The following KIF26B variants were observed in gnomAD, a reference collection of about 807,000 sequenced individuals.
KIF26B encodes the protein kinesin-like protein KIF26B.
A neutral mutation model predicts 151.2 loss-of-function variants in KIF26B; 63 were observed. The observed-to-expected ratio is 0.42, with a 90% CI of 0.34 to 0.51. The LOEUF is 0.51. KIF26B is among the 20% of genes least tolerant of loss of function. KIF26B has a pLI of 0.07. For synonymous variants in KIF26B, 1,357 were observed against 1,262.1 expected (o/e 1.08, Z -1.59); for missense variants, 2,813 against 2,913.6 (o/e 0.97, Z 0.79).
chr1:245,299,237 G>A (rs1227479470), intron 2 of KIF26B, among the ~76,000 whole-genome samples: 3 of 151,198 alleles, frequency 2.0e-5, no homozygotes, highest in Non-Finnish European at 4.4e-5. Flanking sequence ...GCTGCCCAGA[G>A]TCTAGTGCAG....
At chr1:245,226,443 G>C (rs191780075) in intron 2 of KIF26B, among the ~76,000 whole-genome samples, 2 of 151,940 alleles carry the variant, frequency 1.3e-5, no homozygotes, top group East Asian at 3.9e-4. Context: ...CTGTATTCTT[G>C]TGGAGGGTGC....
In KIF26B at chr1:245,533,780, A is replaced by C. The variant is rs142459337; in HGVS notation, c.1167-6987A>C. Among the ~76,000 whole-genome samples, 34 of 151,384 alleles carry C rather than the reference A, an allele frequency of 2.2e-4. 1 individual carries two copies. Among genetic ancestry groups the C allele is most frequent in the African/African-American group, 7.8e-4 (32 of 40,870 alleles). ...AGGGTAATAGTCTGACAAATAGTCT[A>C]TTATACAATTACAAAAAAAAAAAAG... is the stretch of plus-strand genomic sequence containing the variant. On this transcript the variant is annotated intron_variant, in intron 4 of 14. Transcript: ENST00000407071.
rs373882982 is a variant in KIF26B at position 245,611,900 on chromosome 1, C to T, written c.2022C>T (p.Asp674=). 324 of 1,613,820 alleles carry T rather than the reference C, an allele frequency of 2.0e-4. No homozygotes were observed. The highest frequency in any genetic ancestry group is 2.5e-4 in the Non-Finnish European group (293 of 1,179,874). ...GCCACCAACAGGACTGTGATGAGGA[C>T]GACCACCGCAACTCACACGTGTTCT... ...RRSHQQDCDE[D]DHRNSHVFFT... is the part of the protein sequence containing the mutation. Residue 674 remains aspartate, a synonymous_variant, in exon 9 of 15, where the codon GAC becomes GAT. Coordinates refer to ENST00000407071, the MANE Select transcript of KIF26B (RefSeq NM_018012.4).
chr1:245,180,951 T>G (rs1668895558), intron 2 of KIF26B, among the ~76,000 whole-genome samples: 1 of 152,142 alleles, frequency 6.6e-6, no homozygotes, highest in Non-Finnish European at 1.5e-5. Flanking sequence ...CTATTCTCTT[T>G]TGTGGGCAAG....
At chr1:245,695,807 T>A in intron 12 of KIF26B, among the ~76,000 whole-genome samples, 1 of 106,220 alleles carries the variant, frequency 9.4e-6, no homozygotes, top group Non-Finnish European at 2.4e-5. Context: ...GGCAGGACTC[T>A]CCAGGTGTTT....
At chr1:245,260,586 C>T (rs1158115927) in intron 2 of KIF26B, among the ~76,000 whole-genome samples, 1 of 152,226 alleles carries the variant, frequency 6.6e-6, no homozygotes, top group Non-Finnish European at 1.5e-5. Flanking sequence ...ACTTTGGAGG[C>T]ATGTGTACCG....
At chr1:245,286,501 C>A (rs1671165995) in intron 2 of KIF26B, among the ~76,000 whole-genome samples, 1 of 152,164 alleles carries the variant, frequency 6.6e-6, no homozygotes, top group African/African-American at 2.4e-5. Context: ...AAGATGGCAC[C>A]ACTGCACTCT....
chr1:245,316,814 T>C (rs1671785863), intron 2 of KIF26B, among the ~76,000 whole-genome samples: 1 of 119,032 alleles, frequency 8.4e-6, no homozygotes, highest in South Asian at 2.4e-4. Context: ...TGTGGGGCTT[T>C]TGACAAACCA....
chr1:245,499,396 T>C (rs1043783200), intron 4 of KIF26B, among the ~76,000 whole-genome samples: 1 of 152,084 alleles, frequency 6.6e-6, no homozygotes, highest in Non-Finnish European at 1.5e-5. Flanking sequence ...GGCTACATGG[T>C]GAGTCTAGGG....
chr1:245,421,334 C>T (rs1658482879), intron 4 of KIF26B, among the ~76,000 whole-genome samples: 1 of 152,150 alleles, frequency 6.6e-6, no homozygotes, highest in South Asian at 2.1e-4. Context: ...TCATGGATGC[C>T]CTCAGCTATC....
At chr1:245,477,277 AT>A (rs1156419126) in intron 4 of KIF26B, among the ~76,000 whole-genome samples, 1 of 151,688 alleles carries the variant, frequency 6.6e-6, no homozygotes, top group South Asian at 2.1e-4. Flanking sequence ...AAGACAGAAA[AT>A]TCATTTGTTT....
chr1:245,548,591 A>G (rs1239106688), intron 5 of KIF26B, among the ~76,000 whole-genome samples: 1 of 152,198 alleles, frequency 6.6e-6, no homozygotes, highest in African/African-American at 2.4e-5. Context: ...GCATGTAAGG[A>G]AACTGAGGGC....
At chr1:245,677,858 A>C (rs2044374809) in intron 10 of KIF26B, among the ~76,000 whole-genome samples, 1 of 152,250 alleles carries the variant, frequency 6.6e-6, no homozygotes, top group Non-Finnish European at 1.5e-5. Context: ...GAAATAATAA[A>C]GACACTTACT....
chr1:245,263,396 C>T (rs758260671), intron 2 of KIF26B, among the ~76,000 whole-genome samples: 1 of 152,166 alleles, frequency 6.6e-6, no homozygotes, highest in Admixed American at 6.5e-5. Flanking sequence ...CTTGGCACTT[C>T]GGTGCTTCCC....
chr1:245,434,487 G>A (rs1357027800), intron 4 of KIF26B, among the ~76,000 whole-genome samples: 1 of 152,130 alleles, frequency 6.6e-6, no homozygotes, highest in Non-Finnish European at 1.5e-5. Context: ...GGAGAACCTA[G>A]TGGCCATAGC....
At chr1:245,355,603 A>C (rs935313560) in intron 2 of KIF26B, among the ~76,000 whole-genome samples, 2 of 147,618 alleles carry the variant, frequency 1.4e-5, no homozygotes, top group Non-Finnish European at 2.9e-5. Flanking sequence ...CTCAAAAAAA[A>C]AAAAAAAAAG....
At chr1:245,297,817 G>C in intron 2 of KIF26B, among the ~76,000 whole-genome samples, 1 of 152,216 alleles carries the variant, frequency 6.6e-6, no homozygotes, top group East Asian at 1.9e-4. Context: ...GGACACCATG[G>C]TGGCAGATGT....
At chr1:245,680,919 G>GT (rs2044427835) in intron 10 of KIF26B, among the ~76,000 whole-genome samples, 1 of 152,110 alleles carries the variant, frequency 6.6e-6, no homozygotes, top group African/African-American at 2.4e-5. Flanking sequence ...TTAGCACTGT[G>GT]TTTTTCATAT....
chr1:245,305,931 C>G (rs1436996247), intron 2 of KIF26B, among the ~76,000 whole-genome samples: 2 of 93,488 alleles, frequency 2.1e-5, no homozygotes, highest in African/African-American at 1.0e-4. Flanking sequence ...AGCGAGACGA[C>G]TCCTCAAAAA....
Sources: gnomAD v4.1 joint callset for allele counts (sites outside exome capture counted in the v4.1 genomes callset) on GRCh38, gnomAD v4.1.1 for gene constraint, MANE v1.5 for transcripts, NCBI Gene and HGNC (gene_info 2026-07-23, HGNC 2026-07-21) for gene names.